Variants in INSL6 observed in about 807,000 individuals in gnomAD.
The protein encoded by INSL6 is insulin like 6, also known as insulin-like peptide INSL6.
Under a neutral mutation model 9.4 loss-of-function variants are expected in INSL6, and 16 were observed. The observed-to-expected ratio is 1.70, with a 90% CI of 1.15 to 2.59. The LOEUF (loss-of-function observed/expected upper bound fraction) is 2.59. INSL6 is among the 30% of genes most tolerant of loss of function. The pLI, the probability that INSL6 is intolerant of heterozygous loss-of-function variation, is 0.00. For missense variants in INSL6, 391 were observed against 257.3 expected, an observed-to-expected ratio of 1.52 and a Z score of -3.56; for synonymous variants, 154 against 96.9, an observed-to-expected ratio of 1.59 and a Z score of -3.46.
the INSL6 span, among the ~76,000 whole-genome samples, chr9:5,015,147 T>C: frequency 6.6e-6 from 1 of 152,224 alleles, no homozygotes; most frequent in Non-Finnish European, 1.5e-5. Flanking sequence ...GATTCTGTAG[T>C]ATAAATGCAC....
At chr9:5,064,736 T>A in the INSL6 span, 5 of 487,692 alleles carry the variant, frequency 1.0e-5, no homozygotes, top group African/African-American at 9.9e-5. Context: ...ACATGAGAAT[T>A]TGTAATTCAT....
At chr9:5,026,544 C>G in the INSL6 span, among the ~76,000 whole-genome samples, 1 of 152,020 alleles carries the variant, frequency 6.6e-6, no homozygotes, top group African/African-American at 2.4e-5. Context: ...GAATAAAATA[C>G]TTTTGTGTTC....
the INSL6 span, among the ~76,000 whole-genome samples, chr9:5,063,416 A>G: frequency 1.3e-5 from 2 of 152,134 alleles, no homozygotes; most frequent in Non-Finnish European, 2.9e-5. Flanking sequence ...GTGGACTGGA[A>G]GTTTTCTGGG....
the INSL6 span, chr9:5,091,715 G>A: frequency 6.6e-6 from 1 of 152,180 alleles, no homozygotes; most frequent in African/African-American, 2.4e-5. Context: ...GTCAAACTGG[G>A]TCTAGTAGAA....
downstream of INSL6, among the ~76,000 whole-genome samples, chr9:5,119,737 T>C (rs1823471187): frequency 6.6e-6 from 1 of 152,132 alleles, no homozygotes; most frequent in African/African-American, 2.4e-5. Flanking sequence ...TAGAAGCAAC[T>C]TGTATGAAAA....
chr9:5,068,292 C>T, the INSL6 span, among the ~76,000 whole-genome samples: 15 of 151,736 alleles, frequency 9.9e-5, no homozygotes, highest in Non-Finnish European at 5.9e-5. Flanking sequence ...ATAAAATGCA[C>T]CTTAAAAATA....
the INSL6 span, among the ~76,000 whole-genome samples, chr9:5,106,141 A>G: frequency 6.6e-6 from 1 of 152,216 alleles, no homozygotes; most frequent in Non-Finnish European, 1.5e-5. Flanking sequence ...GAATGGGAGA[A>G]AATTTTTGCA....
intron 3 of INSL6, among the ~76,000 whole-genome samples, chr9:5,125,549 A>C (rs938900779): frequency 6.6e-6 from 1 of 151,514 alleles, no homozygotes; most frequent in African/African-American, 2.4e-5. Flanking sequence ...AAAAGTTATG[A>C]ACTATTTTAA....
In INSL6 at chr9:5,185,616, G is replaced by C; in HGVS notation, c.-14C>G. 9 of 1,606,928 alleles carry C rather than the reference G, an allele frequency of 5.6e-6. No individual in the cohort carries two copies. The highest frequency in any genetic ancestry group is 6.8e-6 in the Non-Finnish European group (8 of 1,177,840). On this transcript the variant is annotated 5_prime_UTR_variant, in exon 1 of 2. Coordinates refer to ENST00000381641, the MANE Select transcript of INSL6 (RefSeq NM_007179.3). Reference sequence around the variant, plus strand: ...GAGCCGCGGCATCCCTGTGACCCCAGGCTAGTCCTCCGCGTTGTGCAATGG... The same window carrying C: ...GAGCCGCGGCATCCCTGTGACCCCACGCTAGTCCTCCGCGTTGTGCAATGG...
In INSL6 at chr9:5,174,131, T is replaced by C. The variant is rs898074854; in HGVS notation, c.290-9866A>G. Among the ~76,000 whole-genome samples the C allele has an allele frequency of 2.6e-5, 4 of 152,320 alleles. No individual in the cohort carries two copies. In the South Asian group the frequency reaches 8.3e-4, roughly 32 times the overall value. Reference sequence around the variant, plus strand: ...AATCCTTCTCCGCATTCTTCATCAGTTTTTAACTTCTATTGAATCACTCTT... The same window carrying C: ...AATCCTTCTCCGCATTCTTCATCAGCTTTTAACTTCTATTGAATCACTCTT... On this transcript the variant is annotated intron_variant, in intron 1 of 1. Coordinates refer to ENST00000381641, the MANE Select transcript of INSL6 (RefSeq NM_007179.3).
At chr9:5,103,294 T>C in the INSL6 span, among the ~76,000 whole-genome samples, 1 of 121,062 alleles carries the variant, frequency 8.3e-6, no homozygotes, top group East Asian at 2.5e-4. Flanking sequence ...AAAAAGACTT[T>C]AAGCCAACAA....
At chr9:5,111,757 G>C in the INSL6 span, 2 of 422,406 alleles carry the variant, frequency 4.7e-6, no homozygotes, top group Middle Eastern at 1.0e-3. Context: ...GAGGAGAAGT[G>C]AACGGTGGGC....
chr9:5,008,901 A>AT, the INSL6 span, among the ~76,000 whole-genome samples: 12 of 151,776 alleles, frequency 7.9e-5, no homozygotes, highest in African/African-American at 2.9e-4. Context: ...TGCTCATAAT[A>AT]TTTTTTTCTT....
downstream of INSL6, among the ~76,000 whole-genome samples, chr9:5,123,712 C>G (rs1202932432): frequency 6.6e-6 from 1 of 151,758 alleles, no homozygotes; most frequent in Non-Finnish European, 1.5e-5. Flanking sequence ...ATTTAGGTCT[C>G]TGAGAAATCT....
At chr9:5,087,266 G>A in the INSL6 span, among the ~76,000 whole-genome samples, 1 of 152,198 alleles carries the variant, frequency 6.6e-6, no homozygotes, top group East Asian at 1.9e-4. Flanking sequence ...TCTTCACAGG[G>A]CAGCAGGAGA....
chr9:5,091,974 G>A, the INSL6 span, among the ~76,000 whole-genome samples: 1 of 152,066 alleles, frequency 6.6e-6, no homozygotes, highest in Non-Finnish European at 1.5e-5. Context: ...TTAGTGATGA[G>A]GAATCCGGCG....
At chr9:5,123,124 C>T (rs1458600731), downstream of INSL6, 8 of 1,553,258 alleles carry the variant, frequency 5.2e-6, no homozygotes, top group Non-Finnish European at 7.0e-6. Flanking sequence ...CACCAGCGGT[C>T]AGTGTGCTTT....
chr9:5,068,148 GAC>G, the INSL6 span, among the ~76,000 whole-genome samples: 11,944 of 143,020 alleles, frequency 0.084, 1,492 homozygotes, highest in African/African-American at 0.28. Flanking sequence ...GACAGAGCGA[GAC>G]ACGGTCTCAA....
At chr9:5,076,444 A>G in the INSL6 span, among the ~76,000 whole-genome samples, 8 of 152,300 alleles carry the variant, frequency 5.3e-5, no homozygotes, top group East Asian at 1.5e-3. Flanking sequence ...AACATCAAGC[A>G]AAAAGATTAC....
Sources: allele counts gnomAD v4.1 joint callset (sites outside exome capture counted in the v4.1 genomes callset), GRCh38; gene constraint gnomAD v4.1.1; transcripts MANE v1.5; gene names NCBI Gene and HGNC (gene_info 2026-07-23, HGNC 2026-07-21).